Variants in LRP1B observed in about 807,000 individuals in gnomAD.
LRP1B encodes the protein low-density lipoprotein receptor-related protein 1B.
Under a neutral mutation model 556.6 loss-of-function variants are expected in LRP1B, and 217 were observed. That is an observed-to-expected ratio of 0.39 (90% CI 0.35 to 0.44). The LOEUF is 0.44. LRP1B is among the 20% of genes least tolerant of loss of function. The pLI is 1.00. For missense variants in LRP1B, 5,053 were observed against 5,620.8 expected (o/e 0.90, Z 3.23); for synonymous variants, 2,047 against 1,865.8 (o/e 1.10, Z -2.50).
intron 79 of LRP1B, 64 bp downstream of exon 79, chr2:140,334,389 T>C: frequency 1.0e-6 from 1 of 988,834 alleles, no homozygotes; most frequent in East Asian, 2.5e-5. Context: ...ACACTAGAAA[T>C]AACTGTTAAC....
chr2:141,213,857 G>T (rs975301765), intron 6 of LRP1B, among the ~76,000 whole-genome samples: 1 of 151,436 alleles, frequency 6.6e-6, no homozygotes, highest in Non-Finnish European at 1.5e-5. Context: ...ATGGTTGGCT[G>T]AAACATGTTG....
intron 19 of LRP1B, 46 bp from the exon 20 acceptor site, chr2:140,950,448 G>T (rs1477126731): frequency 6.7e-7 from 1 of 1,492,356 alleles, no homozygotes; most frequent in Non-Finnish European, 9.0e-7. Flanking sequence ...GAACCATGAA[G>T]AAATTTTTTC....
chr2:141,521,470 T>TA (rs1318951409), intron 2 of LRP1B, among the ~76,000 whole-genome samples: 2 of 151,452 alleles, frequency 1.3e-5, no homozygotes, highest in Non-Finnish European at 2.9e-5. Context: ...ATCCATAGTG[T>TA]AAAAAACTAA....
chr2:141,576,490 A>T (rs1686750116), intron 2 of LRP1B, among the ~76,000 whole-genome samples: 1 of 152,168 alleles, frequency 6.6e-6, no homozygotes, highest in African/African-American at 2.4e-5. Context: ...GGACGGGTCA[A>T]TAGGTGCAGC....
At chr2:141,178,651 A>C (rs1344415926) in intron 7 of LRP1B, among the ~76,000 whole-genome samples, 1 of 152,098 alleles carries the variant, frequency 6.6e-6, no homozygotes, top group African/African-American at 2.4e-5. Context: ...TTGGAAATGC[A>C]TGCTTCCACT....
chr2:141,062,314 A>T (rs545107008), intron 7 of LRP1B, 41 bp from the exon 8 acceptor site: 2 of 1,389,122 alleles, frequency 1.4e-6, no homozygotes, highest in Non-Finnish European at 2.0e-6. Flanking sequence ...AGGGTGGGGG[A>T]GGGAAGCACG....
chr2:140,673,500 C>A (rs187119989), intron 41 of LRP1B, among the ~76,000 whole-genome samples: 471 of 152,180 alleles, frequency 3.1e-3, no homozygotes, highest in Non-Finnish European at 4.9e-3. Context: ...TTCCACCATG[C>A]TCTTTACTTC....
chr2:141,398,718 G>A (rs1690337758), intron 3 of LRP1B, among the ~76,000 whole-genome samples: 2 of 152,116 alleles, frequency 1.3e-5, no homozygotes, highest in African/African-American at 4.8e-5. Flanking sequence ...ATGTTTTCCC[G>A]CTATTAGGCA....
intron 2 of LRP1B, among the ~76,000 whole-genome samples, chr2:141,485,673 A>G (rs1457197217): frequency 1.3e-5 from 2 of 152,138 alleles, no homozygotes; most frequent in African/African-American, 2.4e-5. Flanking sequence ...GTATCCCATG[A>G]AGCTCCTTAC....
intron 1 of LRP1B, among the ~76,000 whole-genome samples, chr2:141,892,228 A>T (rs1224912678): frequency 1.3e-5 from 2 of 151,946 alleles, no homozygotes; most frequent in Non-Finnish European, 2.9e-5. Flanking sequence ...ATATAGACTC[A>T]CCAAGAAAGT....
intron 67 of LRP1B, among the ~76,000 whole-genome samples, chr2:140,380,453 C>T (rs775248639): frequency 6.6e-6 from 1 of 152,100 alleles, no homozygotes; most frequent in Non-Finnish European, 1.5e-5. Flanking sequence ...GAAGCCATTT[C>T]GCCCTCCTGG....
chr2:140,582,811 T>C (rs542386444), intron 43 of LRP1B, among the ~76,000 whole-genome samples: 46 of 152,320 alleles, frequency 3.0e-4, no homozygotes, highest in African/African-American at 1.1e-3. Flanking sequence ...ATAAACGGAC[T>C]AAGATACTGC....
chr2:140,655,200 C>T (rs577574), intron 41 of LRP1B, among the ~76,000 whole-genome samples: 150,075 of 152,206 alleles, frequency 0.99, 74,019 homozygotes, highest in Middle Eastern at 1. Flanking sequence ...TTAAAATTTA[C>T]CAATTCATCA....
chr2:140,923,745 T>G (rs1344082777), intron 20 of LRP1B, among the ~76,000 whole-genome samples: 2 of 151,976 alleles, frequency 1.3e-5, no homozygotes, highest in African/African-American at 4.8e-5. Flanking sequence ...CACTTAAATA[T>G]AAGAATTGAA....
intron 2 of LRP1B, among the ~76,000 whole-genome samples, chr2:141,759,323 A>G (rs1031344392): frequency 2.8e-4 from 43 of 152,328 alleles, no homozygotes; most frequent in African/African-American, 9.9e-4. Flanking sequence ...CATTTATTAT[A>G]TTGCATAATG....
intron 3 of LRP1B, among the ~76,000 whole-genome samples, chr2:141,452,957 C>T (rs1681479309): frequency 6.6e-6 from 1 of 152,122 alleles, no homozygotes; most frequent in Non-Finnish European, 1.5e-5. Context: ...ACAATGTGGC[C>T]ACCCACGGTA....
intron 1 of LRP1B, among the ~76,000 whole-genome samples, chr2:142,031,330 A>ACTTTTTTT (rs1703688053): frequency 8.5e-6 from 1 of 117,050 alleles, no homozygotes; most frequent in Non-Finnish European, 1.8e-5. Context: ...GATTATACTT[A>ACTTTTTTT]TTTTTTTTTT....
At chr2:140,723,881 T>C (rs1687500454) in intron 35 of LRP1B, among the ~76,000 whole-genome samples, 1 of 152,174 alleles carries the variant, frequency 6.6e-6, no homozygotes, top group Non-Finnish European at 1.5e-5. Context: ...ACAAACTTTT[T>C]TTACCTTTAA....
At chr2:140,664,400 CAT>C (rs1302221654) in intron 41 of LRP1B, among the ~76,000 whole-genome samples, 2 of 152,070 alleles carry the variant, frequency 1.3e-5, no homozygotes, top group Non-Finnish European at 2.9e-5. Context: ...AAATTGAAGA[CAT>C]ATTGTCATTT....
Sources: allele counts gnomAD v4.1 joint callset (sites outside exome capture counted in the v4.1 genomes callset), GRCh38; gene constraint gnomAD v4.1.1; transcripts MANE v1.5; gene names NCBI Gene and HGNC (gene_info 2026-07-23, HGNC 2026-07-21).